The following RBM27 variants were observed in gnomAD, a reference collection of about 807,000 sequenced individuals.
RBM27 encodes RNA binding motif protein 27.
In RBM27, 22 loss-of-function variants were observed where a neutral mutation model predicts 135.3. The ratio of observed to expected loss-of-function variants is 0.16; its 90% CI spans 0.12 to 0.23. RBM27 has a LOEUF of 0.23. Ranked by LOEUF, RBM27 falls within the 10% of genes least tolerant of loss-of-function variation. The pLI is 1.00. For synonymous variants in RBM27, 481 were observed against 442.4 expected (o/e 1.09, Z -1.10); for missense variants, 1,009 against 1,281.0 (o/e 0.79, Z 3.24).
intron 6 of RBM27, 150 bp from the exon 7 acceptor site, chr5:146,233,300 A>T: frequency 8.1e-7 from 1 of 1,239,722 alleles, no homozygotes. Flanking sequence ...GGGATATGTG[A>T]TGCTTAACAG....
At chr5:146,261,897 G>A in intron 13 of RBM27, 91 bp downstream of exon 13, 1 of 1,323,834 alleles carries the variant, frequency 7.6e-7, no homozygotes, top group Non-Finnish European at 1.0e-6. Context: ...TTCTACAGAA[G>A]AGCTACTCTT....
Position 146,271,072 on chromosome 5 carries a change from G to C in RBM27, c.2796+14G>C. The C allele has an allele frequency of 6.3e-7, 1 of 1,585,814 alleles. No homozygotes were observed. The highest frequency in any genetic ancestry group is 8.7e-7 in the Non-Finnish European group (1 of 1,155,204). ...TTACAGGTTGAGGTGAGATTTAAAAGGAGTTAGCGCCCCACCACATTTAAC... is the reference window on the plus strand; with the variant it reads ...TTACAGGTTGAGGTGAGATTTAAAACGAGTTAGCGCCCCACCACATTTAAC... On this transcript the variant is annotated intron_variant, in intron 18 of 20. Coordinates refer to ENST00000265271, the MANE Select transcript of RBM27 (RefSeq NM_018989.2).
At chr5:146,223,667 C>T in intron 3 of RBM27, 140 bp downstream of exon 3, 5 of 965,194 alleles carry the variant, frequency 5.2e-6, no homozygotes, top group Non-Finnish European at 7.2e-6. Flanking sequence ...GATTCTTCAT[C>T]AGGATTTCAT....
Position 146,214,959 on chromosome 5 carries a change from A to G in RBM27, c.60-4026A>G, listed in dbSNP as rs1048783730. ...TATATTCATCTTGATTTTTAGCACT[A>G]TCATATCAAAATGTGTTTCATCAGA... is the stretch of plus-strand genomic sequence containing the variant. On this transcript the variant is annotated intron_variant, in intron 1 of 20. Transcript: ENST00000265271. 2.6e-5 allele frequency among the ~76,000 whole-genome samples: 4 copies of G among 152,340 alleles called. No individual in the cohort carries two copies. The East Asian group carries it at 5.8e-4, about 22-fold the overall frequency.
chr5:146,228,166 C>CT (rs1756756727), intron 3 of RBM27, among the ~76,000 whole-genome samples: 1 of 151,544 alleles, frequency 6.6e-6, no homozygotes, highest in South Asian at 2.1e-4. Context: ...TTGCCTGACT[C>CT]TTTTGGCTAT....
intron 1 of RBM27, among the ~76,000 whole-genome samples, chr5:146,207,646 C>T (rs951419794): frequency 3.3e-5 from 5 of 149,838 alleles, no homozygotes; most frequent in South Asian, 2.1e-4. Context: ...ATGCATGTAA[C>T]GGGAGATATT....
chr5:146,221,552 G>A (rs1398473482), intron 2 of RBM27, among the ~76,000 whole-genome samples: 1 of 152,148 alleles, frequency 6.6e-6, no homozygotes, highest in African/African-American at 2.4e-5. Flanking sequence ...TCCTGCCTCA[G>A]CCTCTCGAGT....
At chr5:146,222,656 C>T (rs905554011) in intron 2 of RBM27, among the ~76,000 whole-genome samples, 1 of 152,172 alleles carries the variant, frequency 6.6e-6, no homozygotes, top group African/African-American at 2.4e-5. Flanking sequence ...TGCACTCCAG[C>T]CTGGGCAACA....
intron 11 of RBM27, among the ~76,000 whole-genome samples, chr5:146,260,247 C>G (rs1053205442): frequency 6.6e-6 from 1 of 150,532 alleles, no homozygotes; most frequent in Non-Finnish European, 1.5e-5. Flanking sequence ...TGCAGTGGGC[C>G]GAGATTGTTC....
chr5:146,281,774 T>C (rs1759361330), intron 19 of RBM27, among the ~76,000 whole-genome samples: 1 of 152,212 alleles, frequency 6.6e-6, no homozygotes, highest in South Asian at 2.1e-4. Context: ...GTAATGAGAA[T>C]TGACTGTAGT....
At chr5:146,271,857 CAT>C (rs2126886613) in intron 19 of RBM27, among the ~76,000 whole-genome samples, 183 bp downstream of exon 19, 1 of 152,234 alleles carries the variant, frequency 6.6e-6, no homozygotes, top group East Asian at 1.9e-4. Flanking sequence ...CTTTTGATTC[CAT>C]AATACTCCAC....
At chr5:146,265,189 A>C (rs940310392) in intron 14 of RBM27, among the ~76,000 whole-genome samples, 1 of 152,214 alleles carries the variant, frequency 6.6e-6, no homozygotes, top group Admixed American at 6.5e-5. Context: ...GACTGGAAAC[A>C]ACCCAAATAC....
intron 8 of RBM27, among the ~76,000 whole-genome samples, chr5:146,250,865 C>G (rs1480114388): frequency 6.7e-6 from 1 of 148,744 alleles, no homozygotes; most frequent in African/African-American, 2.5e-5. Flanking sequence ...CAACCTCCAC[C>G]TCCCGGGTTC....
chr5:146,219,884 A>G (rs1343828972), intron 2 of RBM27, among the ~76,000 whole-genome samples: 4 of 151,484 alleles, frequency 2.6e-5, no homozygotes, highest in Admixed American at 2.6e-4. Flanking sequence ...TTATTTATTT[A>G]TTTTTATATC....
chr5:146,237,602 T>C (rs1757225225), intron 8 of RBM27, among the ~76,000 whole-genome samples, 170 bp downstream of exon 8: 1 of 152,242 alleles, frequency 6.6e-6, no homozygotes, highest in African/African-American at 2.4e-5. Flanking sequence ...TATAGCCACA[T>C]TTTAATTTTG....
In RBM27 at chr5:146,230,931, C is replaced by T; in HGVS notation, c.850+14C>T. ...GAGATTATGATGGTAAAAATCACCA[C>T]CTTTTCTCATATTGTGCCCAAAAGT... is the stretch of plus-strand genomic sequence containing the variant. On this transcript the variant is annotated intron_variant, in intron 6 of 20. Transcript: ENST00000265271. 6.2e-7 allele frequency: 1 copy of T among 1,612,496 alleles called. No individual in the cohort carries two copies. Among genetic ancestry groups the T allele is most frequent in the Non-Finnish European group, 8.5e-7 (1 of 1,178,836 alleles).
At position 146,289,187 on chromosome 5, in the gene RBM27, T is replaced by G. The variant is rs980167855; in HGVS notation, c.*3157T>G. 4 of 151,968 alleles carry G rather than the reference T, an allele frequency of 2.6e-5. No homozygotes were observed. The highest frequency in any genetic ancestry group is 9.7e-5 in the African/African-American group (4 of 41,398). The allele number at this position is 151,968 out of a possible 1,614,324, so 9.4% of individuals were successfully genotyped here. A position where few individuals can be genotyped will look rare whatever the true frequency, so the allele number is the denominator to read the frequency against. On this transcript the variant is annotated 3_prime_UTR_variant, in exon 21 of 21. Coordinates refer to ENST00000265271, the MANE Select transcript of RBM27 (RefSeq NM_018989.2). The stretch of plus-strand genomic sequence containing the variant: ...ACAAATTTAAAAGAATTTGGAAAAT[T>G]TATGAACCATTCCAAAAATTATAAC...
chr5:146,211,464 CTTTTTTTT>C (rs57117642), intron 1 of RBM27, among the ~76,000 whole-genome samples: 25 of 49,930 alleles, frequency 5.0e-4, no homozygotes, highest in Admixed American at 1.6e-3. Flanking sequence ...ATGGTCTTAT[CTTTTTTTT>C]TTTTTTTTTT....
intron 19 of RBM27, among the ~76,000 whole-genome samples, chr5:146,278,874 A>G (rs1046885104): frequency 2.0e-5 from 3 of 151,616 alleles, no homozygotes; most frequent in Non-Finnish European, 4.4e-5. Context: ...GGCACTCGCC[A>G]CCACGCCTGG....
Sources: allele counts gnomAD v4.1 joint callset (sites outside exome capture counted in the v4.1 genomes callset), GRCh38; gene constraint gnomAD v4.1.1; transcripts MANE v1.5; gene names NCBI Gene and HGNC (gene_info 2026-07-23, HGNC 2026-07-21).